Variants in PODNL1 observed in about 807,000 individuals in gnomAD.
PODNL1 encodes podocan-like protein 1.
In PODNL1, 50 loss-of-function variants were observed where a neutral mutation model predicts 45.1. That is an observed-to-expected ratio of 1.11 (90% CI 0.88 to 1.40). PODNL1 has a LOEUF of 1.40. Among genes scored for constraint, PODNL1 ranks in the 40% most tolerant of loss-of-function variants. The pLI is 0.00. For missense variants in PODNL1, 788 were observed against 793.3 expected (o/e 0.99, Z 0.08); for synonymous variants, 406 against 372.5 (o/e 1.09, Z -1.04).
chr19:13,932,976 A>G lies in PODNL1; in HGVS notation c.1247T>C (p.Leu416Pro). 6.4e-7 allele frequency: 1 copy of G among 1,552,284 alleles called. No individual in the cohort carries two copies. The highest frequency in any genetic ancestry group is 1.2e-5 in the South Asian group (1 of 85,672). Reference sequence around the variant, plus strand: ...CAGGCCAGTGGGCAGGCCCATGGGCAGCCGGGTTAGCTGATTCCCTGCCAG... The same window carrying G: ...CAGGCCAGTGGGCAGGCCCATGGGCGGCCGGGTTAGCTGATTCCCTGCCAG... ...LDLAGNQLTR[L>P]PMGLPTGLRT... Residue 416 changes from leucine (L) to proline (P), a missense_variant, in exon 8 of 10, where the codon CTG (leucine) becomes CCG (proline). Coordinates refer to ENST00000588872, the MANE Select transcript of PODNL1 (RefSeq NM_001370095.3).
At position 13,936,030 on chromosome 19, in the gene PODNL1, C is replaced by G. The variant is rs1474542797; in HGVS notation, c.334G>C (p.Ala112Pro). The G allele has an allele frequency of 6.4e-7, 1 of 1,551,036 alleles. No individual in the cohort carries two copies. Among genetic ancestry groups the G allele is most frequent in the Admixed American group, 2.0e-5 (1 of 51,204 alleles). ...TGCAGCTGGGTGAGGGACTCGAAGG[C>G]CTCGTCAGGCAGGCCTGGGAGAGTA... The part of the protein sequence containing the change: ...LISSEGLPDE[A>P]FESLTQLQHL... Residue 112 changes from alanine to proline, a missense_variant, in exon 4 of 10, where the codon GCC becomes CCC. By Grantham distance (27) the Ala-to-Pro change is conservative. Coordinates refer to ENST00000588872, the MANE Select transcript of PODNL1 (RefSeq NM_001370095.3).
intron 8 of PODNL1, chr19:13,932,351 C>A: frequency 2.0e-6 from 1 of 506,520 alleles, no homozygotes; most frequent in Non-Finnish European, 3.2e-6. Context: ...TGAATCGCAC[C>A]ATACCTCTTT....
rs140223438 is a variant in PODNL1 at position 13,951,845 on chromosome 19, C to T, written c.18+1274G>A. ...GGACCTTCAACAATTATTTTTATTG[C>T]TATGATCTGCATAATTGGCACAACA... On this transcript the variant is annotated intron_variant, in intron 1 of 7. Coordinates refer to the PODNL1 transcript ENST00000538371. Among the ~76,000 whole-genome samples, 643 of 152,272 alleles carry T rather than the reference C, an allele frequency of 4.2e-3. 5 individuals carry two copies. Among genetic ancestry groups the T allele is most frequent in the African/African-American group, 0.015 (606 of 41,544 alleles).
rs545243521 is a variant in PODNL1 at position 13,952,392 on chromosome 19, T to G, written c.18+727A>C. 7.0e-4 allele frequency: 841 copies of G among 1,195,896 alleles called. 2 individuals carry two copies. Among genetic ancestry groups the G allele is most frequent in the Non-Finnish European group, 8.6e-4 (817 of 952,466 alleles). 74.1% of individuals were successfully genotyped at this position (1,195,896 alleles called of 1,614,324 possible). On this transcript the variant is annotated intron_variant, in intron 1 of 7. Coordinates refer to the PODNL1 transcript ENST00000538371. ...TCGAGATGGCTTTGATGGACAGGCA[T>G]AGCGCGAGTGCGGGCTTTCGCCCAA...
At position 13,935,966 on chromosome 19, in the gene PODNL1, G is replaced by C; in HGVS notation, c.384+14C>G. ...CTCACTGGGCTCGGCCTGCGGGTGG[G>C]GCTGGGGGCTCACCTTGTTGTGAGC... On this transcript the variant is annotated intron_variant, in intron 4 of 9. Coordinates refer to ENST00000588872, the MANE Select transcript of PODNL1 (RefSeq NM_001370095.3). 7 of 1,551,462 alleles carry C rather than the reference G, an allele frequency of 4.5e-6. No individual in the cohort carries two copies. Among genetic ancestry groups the C allele is most frequent in the Non-Finnish European group, 6.1e-6 (7 of 1,147,848 alleles).
At chr19:13,953,135 A>T in exon 1 of PODNL1, 2 of 1,548,500 alleles carry the variant, frequency 1.3e-6, no homozygotes, top group Non-Finnish European at 1.7e-6. Flanking sequence ...GGGCCTCCCC[A>T]TTGAAAGTGT....
At chr19:13,943,234 T>G (rs537828887), upstream of PODNL1, among the ~76,000 whole-genome samples, 1 of 151,288 alleles carries the variant, frequency 6.6e-6, no homozygotes, top group East Asian at 1.9e-4. Context: ...AGGCAGAAGT[T>G]GTGGTGAGCT....
At chr19:13,944,819 A>G (rs971609638) in intron 1 of PODNL1, among the ~76,000 whole-genome samples, 3 of 151,686 alleles carry the variant, frequency 2.0e-5, no homozygotes, top group Admixed American at 6.6e-5. Context: ...TCTGTCACCC[A>G]GGCTGGAGTC....
In PODNL1 at chr19:13,931,484, T is replaced by G; in HGVS notation, c.*253A>C. 1 of 388,828 alleles carries G rather than the reference T, an allele frequency of 2.6e-6. No individual in the cohort carries two copies. Among genetic ancestry groups the G allele is most frequent in the East Asian group, 3.8e-5 (1 of 26,610 alleles). 24.1% of individuals were successfully genotyped at this position (388,828 alleles called of 1,614,324 possible). A position where few individuals can be genotyped will look rare whatever the true frequency, so the allele number is the denominator to read the frequency against. ...GGTCCGTGCTGAGTGCTGGAAGGGT[T>G]TGGCTTTATTGTTGCTGCCTCCATC... On this transcript the variant is annotated 3_prime_UTR_variant, in exon 10 of 10. Transcript: ENST00000588872.
rs201335738 is a variant in PODNL1, at chr19:13,932,839, C to T, written c.1384G>A (p.Asp462Asn). The T allele has an allele frequency of 4.5e-5, 72 of 1,612,596 alleles. No homozygotes were observed. The Admixed American group carries it at 6.7e-4, about 15-fold the overall frequency. Residue 462 changes from aspartate (D) to asparagine (N), a missense_variant, in exon 8 of 10, where the codon GAC becomes AAC. Transcript: ENST00000588872. ...TCATGCCAGGTGCCTGGCCCGATGT[C>T]GCCGACCCGGAGCCGGTTGTGCGCC... The part of the protein sequence containing the change: ...SLAHNRLRVG[D>N]IGPGTWHELQ...
rs144227863 is a variant in PODNL1 at position 13,944,370 on chromosome 19, A to G, written c.19-6364T>C. Among the ~76,000 whole-genome samples the G allele has an allele frequency of 4.2e-3, 636 of 151,686 alleles. 5 individuals are homozygous for G. Among genetic ancestry groups the G allele is most frequent in the African/African-American group, 0.014 (598 of 41,306 alleles). On this transcript the variant is annotated intron_variant, in intron 1 of 7. Coordinates refer to the PODNL1 transcript ENST00000538371. The stretch of plus-strand genomic sequence containing the variant: ...AGTAGAGACAGGGTTTCACCGTGTT[A>G]GCCAGGATGGTCTTGATCTCCTGAC...
At chr19:13,937,628 T>A (rs1207558003) in intron 2 of PODNL1, among the ~76,000 whole-genome samples, 157 bp downstream of exon 2, 1 of 152,094 alleles carries the variant, frequency 6.6e-6, no homozygotes, top group Non-Finnish European at 1.5e-5. Context: ...AGAGCCAATC[T>A]GCCAAGGCAA....
At chr19:13,951,634 C>T (rs142766377) in intron 1 of PODNL1, among the ~76,000 whole-genome samples, 1 of 152,182 alleles carries the variant, frequency 6.6e-6, no homozygotes, top group Admixed American at 6.5e-5. Flanking sequence ...ATTAGGCAGG[C>T]GTGGTGGCGC....
chr19:13,934,083 G>T, intron 6 of PODNL1, 90 bp from the exon 7 acceptor site: 1 of 1,402,384 alleles, frequency 7.1e-7, no homozygotes, highest in Non-Finnish European at 9.9e-7. Flanking sequence ...GTGACGAGGA[G>T]CTTGCCTTGA....
At chr19:13,946,976 G>A (rs1972837433) in intron 1 of PODNL1, among the ~76,000 whole-genome samples, 1 of 150,100 alleles carries the variant, frequency 6.7e-6, no homozygotes, top group Non-Finnish European at 1.5e-5. Flanking sequence ...GCGTGAGGCT[G>A]GGAGGTCGAG....
chr19:13,946,072 C>T (rs919781240), intron 1 of PODNL1, among the ~76,000 whole-genome samples: 1 of 152,030 alleles, frequency 6.6e-6, no homozygotes, highest in Non-Finnish European at 1.5e-5. Flanking sequence ...TGGATACACA[C>T]TGCTAACTTC....
chr19:13,952,977 A>C, intron 1 of PODNL1: 1 of 1,040,388 alleles, frequency 9.6e-7, no homozygotes, highest in Non-Finnish European at 1.4e-6. Flanking sequence ...AGGCTTTTCA[A>C]AGCTCTGCTC....
upstream of PODNL1, among the ~76,000 whole-genome samples, chr19:13,940,940 G>A (rs143679213): frequency 6.6e-6 from 1 of 152,200 alleles, no homozygotes; most frequent in Non-Finnish European, 1.5e-5. Context: ...CAGCTACCAG[G>A]GAGGCTGAAG....
In PODNL1 at chr19:13,932,132, T is replaced by C. The variant is rs1374446772; in HGVS notation, c.1426-20A>G. 1.6e-6 allele frequency: 2 copies of C among 1,234,180 alleles called. No homozygotes were observed. Among genetic ancestry groups the C allele is most frequent in the African/African-American group, 3.1e-5 (2 of 64,380 alleles). The allele number at this position is 1,234,180 out of a possible 1,614,324, so 76.5% of individuals were successfully genotyped here. On this transcript the variant is annotated intron_variant, in intron 8 of 9. Coordinates refer to ENST00000588872, the MANE Select transcript of PODNL1 (RefSeq NM_001370095.3). Reference sequence around the variant, plus strand: ...CAGCATCTGGGCAGGGGGTTATAGATGGCATCGTGGCAGCCCCAGGCCTGG... The same window carrying C: ...CAGCATCTGGGCAGGGGGTTATAGACGGCATCGTGGCAGCCCCAGGCCTGG...
Sources: gnomAD v4.1 joint callset for allele counts (sites outside exome capture counted in the v4.1 genomes callset) on GRCh38, gnomAD v4.1.1 for gene constraint, MANE v1.5 for transcripts, NCBI Gene and HGNC (gene_info 2026-07-23, HGNC 2026-07-21) for gene names.